The following OPRD1 variants were observed in gnomAD, a reference collection of about 807,000 sequenced individuals.
OPRD1 encodes the protein delta-type opioid receptor.
Under a neutral mutation model 17.5 loss-of-function variants are expected in OPRD1, and 19 were observed. That is an observed-to-expected ratio of 1.09 (90% confidence interval 0.76 to 1.60). OPRD1 has a LOEUF of 1.60. Among genes scored for constraint, OPRD1 ranks in the 40% most tolerant of loss-of-function variants. OPRD1 has a pLI of 0.00. For synonymous variants in OPRD1, 256 were observed against 240.9 expected (o/e 1.06, Z -0.58); for missense variants, 483 against 547.2 (o/e 0.88, Z 1.17).
chr1:28,852,316 G>A (rs575882267), intron 1 of OPRD1, among the ~76,000 whole-genome samples: 1 of 152,256 alleles, frequency 6.6e-6, no homozygotes, highest in African/African-American at 2.4e-5. Flanking sequence ...CTTTTGGAAT[G>A]TTTGAGGAGA....
rs2089142140 is a variant in OPRD1, at chr1:28,863,221, G to A, written c.1057G>A (p.Ala353Thr). 1.2e-5 allele frequency: 19 copies of A among 1,571,612 alleles called. No individual in the cohort carries two copies. In the East Asian group the frequency reaches 4.4e-4, roughly 37 times the overall value. The change falls in exon 3 of 3, where the codon GCC becomes ACC. Residue 353 changes from alanine (A) to threonine (T), a missense_variant. Physicochemically the swap from Ala to Thr is moderately conservative, Grantham distance 58. Coordinates refer to ENST00000234961, the MANE Select transcript of OPRD1 (RefSeq NM_000911.4). Reference sequence around the variant, plus strand: ...CTTCAGCCGCGCCCGCGAAGCCACGGCCCGCGAGCGTGTCACCGCCTGCAC... The same window carrying A: ...CTTCAGCCGCGCCCGCGAAGCCACGACCCGCGAGCGTGTCACCGCCTGCAC... ...SSFSRAREAT[A>T]RERVTACTPS...
intron 1 of OPRD1, among the ~76,000 whole-genome samples, chr1:28,825,813 G>A (rs770666175): frequency 6.6e-6 from 1 of 152,254 alleles, no homozygotes; most frequent in Non-Finnish European, 1.5e-5. Context: ...TCATCAGCAG[G>A]TGGACTAGGG....
chr1:28,833,507 T>G (rs2088824749), intron 1 of OPRD1, among the ~76,000 whole-genome samples: 1 of 152,216 alleles, frequency 6.6e-6, no homozygotes, highest in Admixed American at 6.6e-5. Context: ...AAATCTGTTT[T>G]GTTCATAAGG....
In OPRD1 at chr1:28,862,746, G is replaced by A; in HGVS notation, c.582G>A (p.Gly194=). ...TTCCTTGTTTCCGCGGCCCAGACGGGGCAGTGGTGTGCATGCTCCAGTTCC... is the reference window on the plus strand; with the variant it reads ...TTCCTTGTTTCCGCGGCCCAGACGGAGCAGTGGTGTGCATGCTCCAGTTCC... ...MVMAVTRPRD[G]AVVCMLQFPS... is the part of the protein sequence containing the mutation. Residue 194 remains glycine, a synonymous_variant, in exon 3 of 3, where the codon GGG becomes GGA. Transcript: ENST00000234961. 2 of 1,603,838 alleles carry A rather than the reference G, an allele frequency of 1.2e-6. No homozygotes were observed. Among genetic ancestry groups the A allele is most frequent in the Non-Finnish European group, 1.7e-6 (2 of 1,174,330 alleles).
rs534128525 is a variant in OPRD1, at chr1:28,839,642, G to T, written c.228-19312G>T. Reference sequence around the variant, plus strand: ...TGTTGCTGTTGTTGTTACTGTTTTTGATTTTAGGTCTCTTGCCCCCACCTT... The same window carrying T: ...TGTTGCTGTTGTTGTTACTGTTTTTTATTTTAGGTCTCTTGCCCCCACCTT... On this transcript the variant is annotated intron_variant, in intron 1 of 2. Coordinates refer to ENST00000234961, the MANE Select transcript of OPRD1 (RefSeq NM_000911.4). Among the ~76,000 whole-genome samples the T allele has an allele frequency of 1.1e-4, 16 of 152,168 alleles. No homozygotes were observed. The South Asian group carries it at 3.1e-3, about 30-fold the overall frequency.
chr1:28,848,516 A>G (rs540823554), intron 1 of OPRD1, among the ~76,000 whole-genome samples: 2 of 152,256 alleles, frequency 1.3e-5, no homozygotes, highest in South Asian at 2.1e-4. Context: ...AGTTTGTTCA[A>G]TGTCTGCCCC....
intron 1 of OPRD1, among the ~76,000 whole-genome samples, chr1:28,853,012 G>A (rs896487990): frequency 1.3e-5 from 2 of 152,030 alleles, no homozygotes; most frequent in African/African-American, 2.4e-5. Flanking sequence ...GAGCCACCGC[G>A]CCCAGCCAAG....
At position 28,863,184 on chromosome 1, in the gene OPRD1, A is replaced by C; in HGVS notation, c.1020A>C (p.Pro340=). 2.5e-6 allele frequency: 4 copies of C among 1,596,084 alleles called. No individual in the cohort carries two copies. Among genetic ancestry groups the C allele is most frequent in the Non-Finnish European group, 3.4e-6 (4 of 1,176,146 alleles). The change falls in exon 3 of 3, where the codon CCA becomes CCC. Residue 340 remains proline (P), a synonymous_variant. Transcript: ENST00000234961. ...TCTGCCGCAAGCCCTGCGGCCGCCC[A>C]GACCCCAGCAGCTTCAGCCGCGCCC... is the stretch of plus-strand genomic sequence containing the variant. ...RQLCRKPCGR[P]DPSSFSRARE...
At chr1:28,816,183 G>C (rs1034773061) in intron 1 of OPRD1, among the ~76,000 whole-genome samples, 1 of 152,152 alleles carries the variant, frequency 6.6e-6, no homozygotes, top group African/African-American at 2.4e-5. Flanking sequence ...CCGTGCTCCA[G>C]ACCTTCCGGA....
intron 1 of OPRD1, among the ~76,000 whole-genome samples, chr1:28,846,644 C>G (rs923029297): frequency 2.3e-4 from 35 of 150,348 alleles, no homozygotes; most frequent in African/African-American, 8.1e-4. Context: ...GATTACAGCA[C>G]TGCACTCCAG....
intron 1 of OPRD1, among the ~76,000 whole-genome samples, chr1:28,823,267 G>C (rs1164825137): frequency 1.3e-5 from 2 of 149,166 alleles, no homozygotes; most frequent in African/African-American, 5.0e-5. Context: ...TGCGATCTCG[G>C]CTCACTGCAC....
intron 1 of OPRD1, among the ~76,000 whole-genome samples, chr1:28,820,192 GA>G (rs1227541612): frequency 2.6e-3 from 384 of 145,492 alleles, no homozygotes; most frequent in Non-Finnish European, 4.5e-3. Flanking sequence ...AGAGGAACTA[GA>G]TTTTTTTTTT....
chr1:28,849,875 C>CTTTT (rs34907861), intron 1 of OPRD1, among the ~76,000 whole-genome samples: 8 of 118,112 alleles, frequency 6.8e-5, no homozygotes, highest in Admixed American at 9.2e-5. Context: ...GAGAGTCAAA[C>CTTTT]TTTTTTTTTT....
intron 1 of OPRD1, among the ~76,000 whole-genome samples, chr1:28,834,469 C>T (rs549727860): frequency 6.6e-6 from 1 of 151,080 alleles, no homozygotes; most frequent in East Asian, 2.0e-4. Context: ...CAACCTCCAC[C>T]TCCTGGGCTC....
chr1:28,844,108 A>C (rs987053564), intron 1 of OPRD1, among the ~76,000 whole-genome samples: 3 of 151,228 alleles, frequency 2.0e-5, no homozygotes, highest in Non-Finnish European at 2.9e-5. Context: ...TTACATTTCC[A>C]AAAACGGTAC....
intron 1 of OPRD1, among the ~76,000 whole-genome samples, chr1:28,840,638 G>A (rs952182260): frequency 1.3e-5 from 2 of 152,076 alleles, no homozygotes; most frequent in Non-Finnish European, 1.5e-5. Flanking sequence ...TGTAAAATAC[G>A]GGGCCAGGCG....
chr1:28,842,582 CAG>C (rs1345933440), intron 1 of OPRD1, among the ~76,000 whole-genome samples: 1 of 152,182 alleles, frequency 6.6e-6, no homozygotes. Context: ...GCTTGTTTAA[CAG>C]AGGAGTGTAG....
chr1:28,826,832 G>A (rs752049835), intron 1 of OPRD1, among the ~76,000 whole-genome samples: 2 of 152,186 alleles, frequency 1.3e-5, no homozygotes, highest in Non-Finnish European at 1.5e-5. Flanking sequence ...TGTAGCATGC[G>A]ATGCTGTTTG....
chr1:28,852,530 C>T (rs1306970253), intron 1 of OPRD1, among the ~76,000 whole-genome samples: 2 of 152,112 alleles, frequency 1.3e-5, no homozygotes, highest in African/African-American at 4.8e-5. Flanking sequence ...TGGAGCCAGA[C>T]ATGGTGGTGA....
Sources: allele counts gnomAD v4.1 joint callset (sites outside exome capture counted in the v4.1 genomes callset), GRCh38; gene constraint gnomAD v4.1.1; transcripts MANE v1.5; gene names NCBI Gene and HGNC (gene_info 2026-07-23, HGNC 2026-07-21).